Variants in GMDS observed in about 807,000 individuals in gnomAD.
GMDS encodes GDP-mannose 4,6-dehydratase, also known as GDP-mannose 4,6 dehydratase.
GMDS carries 20 observed loss-of-function variants against 49.9 expected under a neutral mutation model. The observed-to-expected ratio is 0.40, with a 90% CI of 0.28 to 0.58. The LOEUF (loss-of-function observed/expected upper bound fraction) is 0.58. Among genes scored for constraint, GMDS ranks in the 20% least tolerant of loss-of-function variants. The pLI is 0.42. For synonymous variants in GMDS, 177 were observed against 178.6 expected, an observed-to-expected ratio of 0.99 and a Z score of 0.07; for missense variants, 362 against 481.4, an observed-to-expected ratio of 0.75 and a Z score of 2.32.
rs1562070539 is a variant in GMDS at position 2,117,450 on chromosome 6, GA to G, written c.235+18del. 7.3e-7 allele frequency: 1 copy of G among 1,372,134 alleles called. No homozygotes were observed. Among genetic ancestry groups the G allele is most frequent in the South Asian group, 1.2e-5 (1 of 86,068 alleles). 85.0% of individuals were successfully genotyped at this position (1,372,134 alleles called of 1,614,324 possible). A position where few individuals can be genotyped will look rare whatever the true frequency, so the allele number is the denominator to read the frequency against. ...AAACACCTTATAGAAAGAGATTCTA[GA>G]AAAAGAAAATGACTTACTTCCTTCA... On this transcript the variant is annotated intron_variant, in intron 3 of 10. Transcript: ENST00000380815.
intron 4 of GMDS, among the ~76,000 whole-genome samples, chr6:2,014,031 C>G (rs1183762587): frequency 1.4e-5 from 2 of 145,734 alleles, no homozygotes; most frequent in Non-Finnish European, 3.0e-5. Flanking sequence ...AACAAGCAAG[C>G]CAAAAGACAA....
At chr6:2,046,020 A>G (rs1769990658) in intron 4 of GMDS, among the ~76,000 whole-genome samples, 1 of 152,152 alleles carries the variant, frequency 6.6e-6, no homozygotes, top group East Asian at 1.9e-4. Context: ...AGACCAGCCT[A>G]GGCAATATAG....
At chr6:1,665,123 G>T (rs1384358966) in intron 9 of GMDS, among the ~76,000 whole-genome samples, 1 of 152,136 alleles carries the variant, frequency 6.6e-6, no homozygotes, top group African/African-American at 2.4e-5. Flanking sequence ...TATACTTTAA[G>T]TTCTAGGGTA....
chr6:1,999,978 A>ATATT (rs1162448666), intron 4 of GMDS, among the ~76,000 whole-genome samples: 1 of 22,586 alleles, frequency 4.4e-5, no homozygotes, highest in African/African-American at 2.0e-4. Context: ...TATTATATAT[A>ATATT]TATTTTATAT....
chr6:2,094,127 T>C (rs1345269264), intron 4 of GMDS, among the ~76,000 whole-genome samples: 4 of 152,214 alleles, frequency 2.6e-5, no homozygotes, highest in Admixed American at 2.6e-4. Context: ...AAGATTCTAC[T>C]GGACACAAGA....
chr6:1,701,366 C>T (rs912953285), intron 9 of GMDS, among the ~76,000 whole-genome samples: 12 of 152,114 alleles, frequency 7.9e-5, no homozygotes, highest in African/African-American at 2.9e-4. Context: ...AAAATAATGA[C>T]CAAAGTTCTG....
chr6:2,211,915 T>C (rs984493127), intron 1 of GMDS, among the ~76,000 whole-genome samples: 2 of 152,228 alleles, frequency 1.3e-5, no homozygotes, highest in African/African-American at 4.8e-5. Context: ...TCCAAAAATA[T>C]GACTTTCCTA....
At chr6:2,130,365 ACCT>A in intron 1 of GMDS, among the ~76,000 whole-genome samples, 1 of 152,192 alleles carries the variant, frequency 6.6e-6, no homozygotes, top group Non-Finnish European at 1.5e-5. Context: ...CCTTTGATTT[ACCT>A]CCTGATACAG....
At chr6:2,069,595 A>C (rs1771850448) in intron 4 of GMDS, among the ~76,000 whole-genome samples, 1 of 152,086 alleles carries the variant, frequency 6.6e-6, no homozygotes, top group Admixed American at 6.6e-5. Flanking sequence ...ATCCCATCAA[A>C]AAGTGGGCGA....
intron 7 of GMDS, among the ~76,000 whole-genome samples, chr6:1,893,094 C>T (rs1759956693): frequency 6.6e-6 from 1 of 152,190 alleles, no homozygotes; most frequent in Non-Finnish European, 1.5e-5. Context: ...TCCTTCCCAC[C>T]TGACCTCAAT....
intron 4 of GMDS, among the ~76,000 whole-genome samples, chr6:1,993,500 C>T (rs752425231): frequency 1.3e-5 from 2 of 152,026 alleles, no homozygotes; most frequent in Non-Finnish European, 2.9e-5. Context: ...AAACCTCTGC[C>T]GAAGGCAGCT....
intron 1 of GMDS, among the ~76,000 whole-genome samples, chr6:2,187,180 G>A (rs943253095): frequency 1.3e-5 from 2 of 152,238 alleles, no homozygotes; most frequent in African/African-American, 4.8e-5. Context: ...GCAGGAAGAT[G>A]TCTCAGGCTG....
intron 9 of GMDS, among the ~76,000 whole-genome samples, chr6:1,655,471 A>C (rs558431182): frequency 1.3e-3 from 162 of 126,152 alleles, no homozygotes; most frequent in African/African-American, 4.4e-3. Flanking sequence ...TACGTTTGAA[A>C]GCCTTACACA....
intron 7 of GMDS, among the ~76,000 whole-genome samples, chr6:1,835,021 TA>T (rs776037160): frequency 2.0e-5 from 3 of 152,200 alleles, no homozygotes; most frequent in South Asian, 2.1e-4. Context: ...ACAGTTTAAT[TA>T]TTTTTTTATT....
chr6:1,686,189 G>A (rs551985640), intron 9 of GMDS, among the ~76,000 whole-genome samples: 68 of 152,288 alleles, frequency 4.5e-4, no homozygotes, highest in South Asian at 8.3e-4. Context: ...AGTTTCTCCT[G>A]CTCTGCACTC....
At chr6:1,965,307 T>C (rs1250979019) in intron 4 of GMDS, among the ~76,000 whole-genome samples, 4 of 152,110 alleles carry the variant, frequency 2.6e-5, no homozygotes, top group South Asian at 2.1e-4. Context: ...GTAAATAAGA[T>C]AGGGGAGCAT....
chr6:2,080,877 G>A (rs1054668963), intron 4 of GMDS, among the ~76,000 whole-genome samples: 1 of 152,088 alleles, frequency 6.6e-6, no homozygotes. Context: ...TTCATCTCAG[G>A]TAAGTTATTA....
intron 7 of GMDS, among the ~76,000 whole-genome samples, chr6:1,905,552 G>A (rs71550092): frequency 2.0e-4 from 24 of 119,942 alleles, no homozygotes; most frequent in South Asian, 5.8e-4. Flanking sequence ...CCTCAAAGGT[G>A]CCTGTGCATC....
intron 9 of GMDS, among the ~76,000 whole-genome samples, chr6:1,720,017 T>C (rs1766319505): frequency 6.6e-6 from 1 of 152,198 alleles, no homozygotes; most frequent in Non-Finnish European, 1.5e-5. Context: ...GCACTAGGAA[T>C]ACCAGAAGGA....
Sources: gnomAD v4.1 joint callset for allele counts (sites outside exome capture counted in the v4.1 genomes callset) on GRCh38, gnomAD v4.1.1 for gene constraint, MANE v1.5 for transcripts, NCBI Gene and HGNC (gene_info 2026-07-23, HGNC 2026-07-21) for gene names.